Variants in CDK14 observed in about 807,000 individuals in gnomAD.
CDK14 encodes the protein cyclin-dependent kinase 14.
A neutral mutation model predicts 60.7 loss-of-function variants in CDK14; 34 were observed. That is an observed-to-expected ratio of 0.56 (90% CI 0.43 to 0.75). CDK14 has a LOEUF of 0.75. Among genes scored for constraint, CDK14 ranks in the 30% least tolerant of loss-of-function variants. The probability of loss-of-function intolerance (pLI) is 0.00; values close to 1 mark genes in which losing one functional copy is unlikely to be tolerated. For synonymous variants in CDK14, 197 were observed against 203.7 expected, an observed-to-expected ratio of 0.97 and a Z score of 0.28; for missense variants, 482 against 564.1, an observed-to-expected ratio of 0.85 and a Z score of 1.47.
intron 13 of CDK14, 87 bp from the exon 14 acceptor site, chr7:91,117,978 G>A: frequency 2.8e-6 from 2 of 703,958 alleles, no homozygotes; most frequent in Non-Finnish European, 4.7e-6. Context: ...ATCCAAACTT[G>A]CATCTCAGTC....
chr7:91,191,684 A>G (rs1402169815), intron 14 of CDK14, among the ~76,000 whole-genome samples: 4 of 151,972 alleles, frequency 2.6e-5, no homozygotes, highest in Admixed American at 6.6e-5. Flanking sequence ...GAATAAGGAA[A>G]GGGGAAATGT....
chr7:90,883,275 A>T (rs1401573330), intron 6 of CDK14, among the ~76,000 whole-genome samples: 1 of 152,184 alleles, frequency 6.6e-6, no homozygotes. Flanking sequence ...ATCACCACTG[A>T]CCCCACAGAA....
At position 90,863,251 on chromosome 7, in the gene CDK14, A is replaced by C. The variant is rs762529612; in HGVS notation, c.621A>C (p.Thr207=). 1 of 1,593,750 alleles carries C rather than the reference A, an allele frequency of 6.3e-7. No individual in the cohort carries two copies. The highest frequency in any genetic ancestry group is 1.3e-5 in the African/African-American group (1 of 74,418). The change falls in exon 6 of 15, where the codon ACA becomes ACC. Residue 207 remains threonine, a synonymous_variant. Transcript: ENST00000380050. ...HDIIHTKETL[T]LVFEYVHTDL... ...TCATCCATACCAAGGAGACGCTGACACTTGTGTTTGAATATGTGGTAAGTA... is the reference window on the plus strand; with the variant it reads ...TCATCCATACCAAGGAGACGCTGACCCTTGTGTTTGAATATGTGGTAAGTA...
intron 5 of CDK14, among the ~76,000 whole-genome samples, chr7:90,810,730 C>T (rs1235082430): frequency 6.6e-6 from 1 of 151,724 alleles, no homozygotes; most frequent in African/African-American, 2.4e-5. Context: ...TCGTCTCAGC[C>T]CAAAATGTCC....
intron 10 of CDK14, among the ~76,000 whole-genome samples, chr7:91,043,830 A>G (rs1359194702): frequency 1.3e-5 from 2 of 152,200 alleles, no homozygotes; most frequent in Non-Finnish European, 2.9e-5. Flanking sequence ...ACATAAATAC[A>G]TGTATTTAAT....
At position 90,596,516 on chromosome 7, in the gene CDK14, GAGGAGGTGGTGGA is replaced by G. The variant is rs1235158815; in HGVS notation, c.-111_-99del. 1.2e-6 allele frequency: 1 copy of G among 822,828 alleles called. No homozygotes were observed. Among genetic ancestry groups the G allele is most frequent in the Non-Finnish European group, 2.0e-6 (1 of 504,080 alleles). 51.0% of individuals were successfully genotyped at this position (822,828 alleles called of 1,614,324 possible). Reference sequence around the variant, plus strand: ...CCTGCGCGTCGCTTCCCGGCCCGCCGAGGAGGTGGTGGAGGAGGAGGCGCCGCTTTCCCCGCGG... The same window carrying G: ...CCTGCGCGTCGCTTCCCGGCCCGCCGGGAGGAGGCGCCGCTTTCCCCGCGG... On this transcript the variant is annotated 5_prime_UTR_variant, in exon 1 of 15. Transcript: ENST00000380050.
chr7:90,810,195 C>T (rs1297772699), intron 5 of CDK14, among the ~76,000 whole-genome samples: 1 of 152,116 alleles, frequency 6.6e-6, no homozygotes, highest in African/African-American at 2.4e-5. Flanking sequence ...CAATATCCCT[C>T]ATGAACATCG....
At chr7:91,169,402 G>A (rs1455452041) in intron 14 of CDK14, among the ~76,000 whole-genome samples, 1 of 152,150 alleles carries the variant, frequency 6.6e-6, no homozygotes, top group Non-Finnish European at 1.5e-5. Context: ...CTGAAACCCT[G>A]TCACAGAGTA....
intron 2 of CDK14, among the ~76,000 whole-genome samples, chr7:90,690,124 A>G (rs568042665): frequency 6.6e-6 from 1 of 152,300 alleles, no homozygotes; most frequent in African/African-American, 2.4e-5. Context: ...TACTAGGCAT[A>G]ATTTTTGATA....
intron 14 of CDK14, among the ~76,000 whole-genome samples, chr7:91,143,276 C>A (rs908484555): frequency 6.6e-6 from 1 of 152,140 alleles, no homozygotes; most frequent in Admixed American, 6.5e-5. Context: ...TACCTGTGTC[C>A]TGCTTAAAGG....
At chr7:90,889,114 C>T (rs905479859) in intron 6 of CDK14, among the ~76,000 whole-genome samples, 3 of 152,158 alleles carry the variant, frequency 2.0e-5, no homozygotes, top group Admixed American at 6.5e-5. Flanking sequence ...AAAAGAAAAT[C>T]ATTTATACTT....
chr7:91,146,873 A>G (rs986162483), intron 14 of CDK14, among the ~76,000 whole-genome samples: 5 of 151,778 alleles, frequency 3.3e-5, no homozygotes, highest in Non-Finnish European at 7.4e-5. Context: ...TTTTTCTTTG[A>G]TTATACACAT....
chr7:90,714,508 T>G (rs1802174819), intron 2 of CDK14, among the ~76,000 whole-genome samples: 1 of 152,106 alleles, frequency 6.6e-6, no homozygotes, highest in Non-Finnish European at 1.5e-5. Context: ...CTGTCAAATT[T>G]ATTATTGCTG....
At chr7:91,187,578 A>G (rs1319176888) in intron 14 of CDK14, among the ~76,000 whole-genome samples, 2 of 152,214 alleles carry the variant, frequency 1.3e-5, no homozygotes, top group African/African-American at 4.8e-5. Context: ...TCTGTAGTCT[A>G]GTGCCAAGAA....
At chr7:91,179,584 C>T (rs188035313) in intron 14 of CDK14, among the ~76,000 whole-genome samples, 4 of 151,866 alleles carry the variant, frequency 2.6e-5, no homozygotes, top group South Asian at 2.1e-4. Flanking sequence ...GGGCGGATCA[C>T]GAGGTCAAGA....
intron 3 of CDK14, among the ~76,000 whole-genome samples, chr7:90,738,999 C>T (rs1803241948): frequency 6.6e-6 from 1 of 151,960 alleles, no homozygotes; most frequent in African/African-American, 2.4e-5. Context: ...ACAGATCAGA[C>T]CATTTCTGCA....
chr7:91,172,298 C>G (rs1801545182), intron 14 of CDK14, among the ~76,000 whole-genome samples: 1 of 152,172 alleles, frequency 6.6e-6, no homozygotes, highest in Non-Finnish European at 1.5e-5. Flanking sequence ...CTTGCCGCAT[C>G]TTTTAACCAG....
intron 14 of CDK14, among the ~76,000 whole-genome samples, chr7:91,145,945 TATTTA>T (rs1320006289): frequency 2.2e-4 from 33 of 151,714 alleles, no homozygotes; most frequent in African/African-American, 8.0e-4. Context: ...TTTATTTATT[TATTTA>T]TTTATTTTTT....
intron 5 of CDK14, among the ~76,000 whole-genome samples, chr7:90,793,952 C>T (rs116486677): frequency 0.013 from 1,960 of 152,142 alleles, 59 homozygotes; most frequent in African/African-American, 0.045. Flanking sequence ...AATTGTCTAT[C>T]GGGGGAAACC....
Sources: allele counts gnomAD v4.1 joint callset (sites outside exome capture counted in the v4.1 genomes callset), GRCh38; gene constraint gnomAD v4.1.1; transcripts MANE v1.5; gene names NCBI Gene and HGNC (gene_info 2026-07-23, HGNC 2026-07-21).